The following RIC1 variants were observed in gnomAD, a reference collection of about 807,000 sequenced individuals.
The protein encoded by RIC1 is guanine nucleotide exchange factor subunit RIC1.
In RIC1, 88 loss-of-function variants were observed where a neutral mutation model predicts 169.0. The observed-to-expected ratio is 0.52, with a 90% confidence interval of 0.44 to 0.62. The LOEUF (loss-of-function observed/expected upper bound fraction) is 0.62. RIC1 is among the 20% of genes least tolerant of loss of function. The pLI, the probability that RIC1 is intolerant of heterozygous loss-of-function variation, is 0.00. For synonymous variants in RIC1, 790 were observed against 601.5 expected (o/e 1.31, Z -4.59); for missense variants, 1,877 against 1,725.5 (o/e 1.09, Z -1.56).
intron 2 of RIC1, among the ~76,000 whole-genome samples, chr9:5,679,352 A>G (rs1415732616): frequency 6.6e-6 from 1 of 152,170 alleles, no homozygotes; most frequent in Non-Finnish European, 1.5e-5. Context: ...TGAACTTTAA[A>G]GTAGTTTTTT....
At chr9:5,644,142 G>C (rs974946078) in intron 1 of RIC1, among the ~76,000 whole-genome samples, 4 of 152,140 alleles carry the variant, frequency 2.6e-5, no homozygotes, top group African/African-American at 4.8e-5. Flanking sequence ...TAAATTTATA[G>C]TGTTGTGCAT....
chr9:5,632,375 T>A (rs1586851046), intron 1 of RIC1, among the ~76,000 whole-genome samples: 1 of 152,232 alleles, frequency 6.6e-6, no homozygotes, highest in Non-Finnish European at 1.5e-5. Flanking sequence ...GGTCTTCTAA[T>A]GAACTTTTAT....
chr9:5,710,407 A>C (rs1391260777), intron 3 of RIC1, among the ~76,000 whole-genome samples: 1 of 152,154 alleles, frequency 6.6e-6, no homozygotes, highest in Non-Finnish European at 1.5e-5. Context: ...TCACGCTTTG[A>C]TATCCCAGGC....
At chr9:5,679,225 C>T (rs2130627578) in intron 2 of RIC1, among the ~76,000 whole-genome samples, 1 of 152,128 alleles carries the variant, frequency 6.6e-6, no homozygotes, top group African/African-American at 2.4e-5. Context: ...GGTACCAGTA[C>T]TGTTTTGGTT....
intron 2 of RIC1, among the ~76,000 whole-genome samples, chr9:5,661,269 A>G (rs1819432793): frequency 6.6e-6 from 1 of 152,196 alleles, no homozygotes; most frequent in East Asian, 1.9e-4. Context: ...AGGTAGCATG[A>G]TGCCTCTGGC....
chr9:5,707,194 A>G (rs754699059), intron 3 of RIC1, among the ~76,000 whole-genome samples: 14 of 152,074 alleles, frequency 9.2e-5, no homozygotes, highest in Non-Finnish European at 1.9e-4. Flanking sequence ...TGAATTTTCT[A>G]GTTTTTCTTT....
At chr9:5,723,566 G>C (rs937861516) in intron 6 of RIC1, among the ~76,000 whole-genome samples, 13 of 152,150 alleles carry the variant, frequency 8.5e-5, no homozygotes, top group African/African-American at 3.1e-4. Flanking sequence ...AGTTGAATTA[G>C]ATCCCATTTG....
intron 1 of RIC1, among the ~76,000 whole-genome samples, chr9:5,641,098 T>C (rs1017074485): frequency 2.1e-5 from 3 of 142,366 alleles, no homozygotes; most frequent in Admixed American, 6.9e-5. Context: ...GTAGTCTTCT[T>C]TTTTTTTTTT....
At chr9:5,667,830 G>A (rs535332989) in intron 2 of RIC1, among the ~76,000 whole-genome samples, 5 of 152,230 alleles carry the variant, frequency 3.3e-5, no homozygotes, top group African/African-American at 1.2e-4. Context: ...AAGTGTGGAT[G>A]TCTACTGTTC....
intron 6 of RIC1, among the ~76,000 whole-genome samples, chr9:5,723,786 G>A (rs1441219853): frequency 2.6e-5 from 4 of 152,174 alleles, no homozygotes; most frequent in African/African-American, 4.8e-5. Flanking sequence ...TGGCTAGCCC[G>A]TTTTACCAGC....
Position 5,773,099 on chromosome 9 carries a change from A to T in RIC1, c.3983+19A>T. 6.5e-7 allele frequency: 1 copy of T among 1,533,502 alleles called. No individual in the cohort carries two copies. The highest frequency in any genetic ancestry group is 8.8e-7 in the Non-Finnish European group (1 of 1,136,908). The allele number at this position is 1,533,502 out of a possible 1,614,324, so 95.0% of individuals were successfully genotyped here. On this transcript the variant is annotated intron_variant, in intron 25 of 25. Coordinates refer to ENST00000414202, the MANE Select transcript of RIC1 (RefSeq NM_020829.4). ...CAGACTGGTAAGTGCTGCTTTCCTT[A>T]GGCTTGGTGTCCTTCCATGTCTTTT...
chr9:5,771,876 C>T (rs1478754906), intron 23 of RIC1, among the ~76,000 whole-genome samples: 4 of 152,180 alleles, frequency 2.6e-5, no homozygotes, highest in Non-Finnish European at 4.4e-5. Flanking sequence ...CCTCCCCACT[C>T]TTGTATTAAC....
intron 8 of RIC1, among the ~76,000 whole-genome samples, chr9:5,740,095 C>A (rs1459527037): frequency 6.6e-6 from 1 of 152,188 alleles, no homozygotes; most frequent in Non-Finnish European, 1.5e-5. Context: ...TCTTTCATCA[C>A]CTTGTTCACT....
intron 12 of RIC1, among the ~76,000 whole-genome samples, chr9:5,751,355 T>TG (rs1173466871): frequency 6.6e-6 from 1 of 151,806 alleles, no homozygotes; most frequent in Non-Finnish European, 1.5e-5. Context: ...GTGATCTTTT[T>TG]GGGGGTCTGG....
intron 12 of RIC1, among the ~76,000 whole-genome samples, chr9:5,752,443 TG>T (rs1825775971): frequency 6.6e-6 from 1 of 151,736 alleles, no homozygotes; most frequent in African/African-American, 2.4e-5. Context: ...AGTTTTTTTT[TG>T]TTTTTTTTTT....
intron 3 of RIC1, among the ~76,000 whole-genome samples, chr9:5,711,765 CT>C (rs1179311534): frequency 6.6e-6 from 1 of 152,134 alleles, no homozygotes; most frequent in African/African-American, 2.4e-5. Context: ...GTGATGGTCC[CT>C]TTCCTGTGTC....
chr9:5,701,276 C>A (rs908416318), intron 3 of RIC1, among the ~76,000 whole-genome samples: 1 of 151,960 alleles, frequency 6.6e-6, no homozygotes, highest in Non-Finnish European at 1.5e-5. Context: ...TATATTGAAT[C>A]CTTTGGAGTA....
At chr9:5,717,957 C>T (rs776904162) in intron 4 of RIC1, among the ~76,000 whole-genome samples, 18 of 149,752 alleles carry the variant, frequency 1.2e-4, no homozygotes, top group Admixed American at 7.3e-4. Context: ...CTGGCCAACA[C>T]GGCGAAACCT....
intron 12 of RIC1, among the ~76,000 whole-genome samples, chr9:5,751,369 G>T (rs1199584224): frequency 6.6e-6 from 1 of 151,640 alleles, no homozygotes. Flanking sequence ...GGTCTGGGGG[G>T]CAGGGAGACA....
Sources: gnomAD v4.1 joint callset for allele counts (sites outside exome capture counted in the v4.1 genomes callset) on GRCh38, gnomAD v4.1.1 for gene constraint, MANE v1.5 for transcripts, NCBI Gene and HGNC (gene_info 2026-07-23, HGNC 2026-07-21) for gene names.